Variants in KCNK13 observed in about 807,000 individuals in gnomAD.
KCNK13 encodes potassium two pore domain channel subfamily K member 13.
Under a neutral mutation model 23.4 loss-of-function variants are expected in KCNK13, and 12 were observed. The observed-to-expected ratio is 0.51, with a 90% CI of 0.33 to 0.83. KCNK13 has a LOEUF of 0.83. Ranked by LOEUF, KCNK13 falls within the 40% of genes least tolerant of loss-of-function variation. The probability of loss-of-function intolerance (pLI) is 0.02; values close to 1 mark genes in which losing one functional copy is unlikely to be tolerated. For missense variants in KCNK13, 463 were observed against 556.3 expected, an observed-to-expected ratio of 0.83 and a Z score of 1.69; for synonymous variants, 231 against 229.5, an observed-to-expected ratio of 1.01 and a Z score of -0.06.
intron 1 of KCNK13, among the ~76,000 whole-genome samples, chr14:90,159,019 A>G (rs1189700966): frequency 6.6e-6 from 1 of 152,204 alleles, no homozygotes; most frequent in Non-Finnish European, 1.5e-5. Context: ...GGAAGTTTAT[A>G]ATGAACAGAA....
rs182247045 is a variant in KCNK13, at chr14:90,161,738, A to G, written c.335-22373A>G. 1.6e-4 allele frequency among the ~76,000 whole-genome samples: 24 copies of G among 152,328 alleles called. 1 individual carries two copies. In the East Asian group the frequency reaches 4.6e-3, roughly 29 times the overall value. On this transcript the variant is annotated intron_variant, in intron 1 of 1. Coordinates refer to ENST00000282146, the MANE Select transcript of KCNK13 (RefSeq NM_022054.4). ...GTAAGGCAACCCTAATCACAATCCA[A>G]ATATCTTTTCTGGAACTTAACCAAA...
chr14:90,099,747 A>G (rs575898182), intron 1 of KCNK13, among the ~76,000 whole-genome samples: 2 of 152,290 alleles, frequency 1.3e-5, no homozygotes, highest in East Asian at 3.9e-4. Flanking sequence ...ACAGACAGAC[A>G]ATAGGTGGGT....
chr14:90,159,700 T>A (rs564733785), intron 1 of KCNK13, among the ~76,000 whole-genome samples: 3 of 152,232 alleles, frequency 2.0e-5, no homozygotes, highest in Non-Finnish European at 4.4e-5. Context: ...GGTTATTTAG[T>A]TCTCACAAAA....
intron 1 of KCNK13, among the ~76,000 whole-genome samples, chr14:90,103,950 C>G (rs2140408088): frequency 6.6e-6 from 1 of 152,262 alleles, no homozygotes; most frequent in East Asian, 1.9e-4. Context: ...AGACTTTGCC[C>G]TTTCAGCTTC....
At chr14:90,117,080 G>A (rs1889685542) in intron 1 of KCNK13, among the ~76,000 whole-genome samples, 1 of 152,106 alleles carries the variant, frequency 6.6e-6, no homozygotes. Context: ...ACAATAGCCA[G>A]CATCACTACT....
At chr14:90,065,185 C>T (rs926157633) in intron 1 of KCNK13, among the ~76,000 whole-genome samples, 1 of 152,130 alleles carries the variant, frequency 6.6e-6, no homozygotes, top group African/African-American at 2.4e-5. Context: ...TCATATCTTG[C>T]ATTTTTATTG....
Position 90,087,138 on chromosome 14 carries a change from A to G in KCNK13, c.334+24599A>G, listed in dbSNP as rs573153501. 1.2e-4 allele frequency among the ~76,000 whole-genome samples: 13 copies of G among 111,528 alleles called. No homozygotes were observed. In the East Asian group the frequency reaches 1.3e-3, roughly 11 times the overall value. The allele number at this position is 111,528 out of a possible 152,430, so 73.2% of individuals were successfully genotyped here. On this transcript the variant is annotated intron_variant, in intron 1 of 1. Coordinates refer to ENST00000282146, the MANE Select transcript of KCNK13 (RefSeq NM_022054.4). ...TATACATATATATATACATATATAT[A>G]TATATATATATATATATTTTTTTTT...
intron 1 of KCNK13, among the ~76,000 whole-genome samples, chr14:90,106,544 C>T (rs1242301649): frequency 1.3e-5 from 2 of 151,776 alleles, no homozygotes; most frequent in Non-Finnish European, 2.9e-5. Context: ...CACTGCATTC[C>T]ACCCTGGGTG....
At chr14:90,101,796 A>AAAAAAAAAAAAAAAAC (rs1889482395) in intron 1 of KCNK13, among the ~76,000 whole-genome samples, 2 of 112,818 alleles carry the variant, frequency 1.8e-5, no homozygotes, top group African/African-American at 3.5e-5. Flanking sequence ...TCTCCAAAAA[A>AAAAAAAAAAAAAAAAC]AAAAAAAAAA....
intron 1 of KCNK13, among the ~76,000 whole-genome samples, chr14:90,093,582 G>T (rs1215999938): frequency 6.6e-6 from 1 of 152,156 alleles, no homozygotes; most frequent in Non-Finnish European, 1.5e-5. Context: ...AGCGTGCCCA[G>T]CCTAAATTAG....
intron 1 of KCNK13, among the ~76,000 whole-genome samples, chr14:90,168,897 C>T (rs1416951188): frequency 2.6e-5 from 4 of 152,180 alleles, no homozygotes; most frequent in African/African-American, 9.7e-5. Flanking sequence ...ACTGTTCTCA[C>T]AGTAGTGAGT....
At chr14:90,137,496 T>C (rs1025240749) in intron 1 of KCNK13, among the ~76,000 whole-genome samples, 1 of 151,996 alleles carries the variant, frequency 6.6e-6, no homozygotes, top group South Asian at 2.1e-4. Context: ...AATTTTTGTA[T>C]TTTTCATAGA....
rs1356333517 is a variant in KCNK13, at chr14:90,167,853, G to A, written c.335-16258G>A. Among the ~76,000 whole-genome samples the A allele has an allele frequency of 3.3e-5, 5 of 152,322 alleles. No homozygotes were observed. The East Asian group carries it at 9.7e-4, about 29-fold the overall frequency. On this transcript the variant is annotated intron_variant, in intron 1 of 1. Coordinates refer to ENST00000282146, the MANE Select transcript of KCNK13 (RefSeq NM_022054.4). ...CTGCCTGGCTCACATGACAGGAGGT[G>A]TATTGGCTGGGAAGAAACACTTTCC... is the stretch of plus-strand genomic sequence containing the variant.
intron 1 of KCNK13, among the ~76,000 whole-genome samples, chr14:90,122,182 A>C (rs1889747029): frequency 6.6e-6 from 1 of 152,014 alleles, no homozygotes; most frequent in Non-Finnish European, 1.5e-5. Context: ...TATTTTTTTC[A>C]GTTATATATA....
intron 1 of KCNK13, among the ~76,000 whole-genome samples, chr14:90,124,996 A>G (rs1478057097): frequency 6.6e-6 from 1 of 152,204 alleles, no homozygotes; most frequent in African/African-American, 2.4e-5. Context: ...GTTAGGTGCT[A>G]TGTGAGACCC....
Position 90,184,365 on chromosome 14 carries a change from G to A in KCNK13, c.589G>A (p.Val197Ile), listed in dbSNP as rs536825700. The change falls in exon 2 of 2, where the codon GTC becomes ATC. Residue 197 changes from valine (V) to isoleucine (I), a missense_variant. This residue lies in a region of KCNK13 where 144 missense variants were observed against 224.0 expected (regional missense o/e 0.64). Coordinates refer to ENST00000282146, the MANE Select transcript of KCNK13 (RefSeq NM_022054.4). This position sits in a 1 kb window ranked among gnomAD's most constrained non-coding sequence, Gnocchi z 5.6. ...CGGCTGGAAGCCCTCCGTGTACTAC[G>A]TCATGCTGATCCTATGCACAGCCTC... ...LAGWKPSVYY[V>I]MLILCTASIL... The A allele has an allele frequency of 1.4e-5, 23 of 1,614,232 alleles. No individual in the cohort carries two copies. Among genetic ancestry groups the A allele is most frequent in the African/African-American group, 4.0e-5 (3 of 75,074 alleles).
chr14:90,062,210 C>CG lies in KCNK13; in HGVS notation c.5_6insG (p.Gly3TrpfsTer181). Reference sequence around the variant, plus strand: ...GCTGCCCCCGGGGGCCCGGCCATGGCTGGCCGGGGTTTCAGCTGGGGCCCG... The same window carrying CG: ...GCTGCCCCCGGGGGCCCGGCCATGGCGTGGCCGGGGTTTCAGCTGGGGCCCG... On this transcript the variant is annotated frameshift_variant, in exon 1 of 2. Transcript: ENST00000282146. LOFTEE classifies it high-confidence loss of function. The surrounding 1 kb of genome is among the most constrained non-coding windows in gnomAD (Gnocchi z 4.5). 2 of 1,155,464 alleles carry CG rather than the reference C, an allele frequency of 1.7e-6. No individual in the cohort carries two copies. Among genetic ancestry groups the CG allele is most frequent in the Non-Finnish European group, 2.3e-6 (2 of 878,350 alleles). The allele number at this position is 1,155,464 out of a possible 1,614,324, so 71.6% of individuals were successfully genotyped here.
intron 1 of KCNK13, among the ~76,000 whole-genome samples, chr14:90,073,460 A>G (rs763028169): frequency 2.0e-5 from 3 of 152,102 alleles, no homozygotes; most frequent in Non-Finnish European, 2.9e-5. Flanking sequence ...GACTTTGCCT[A>G]TTAACTCTTG....
intron 1 of KCNK13, among the ~76,000 whole-genome samples, chr14:90,166,636 G>C (rs934408884): frequency 6.6e-6 from 1 of 151,772 alleles, no homozygotes; most frequent in South Asian, 2.1e-4. Flanking sequence ...AACCTGGGAG[G>C]TGGAGGTTCC....
Sources: gnomAD v4.1 joint callset for allele counts (sites outside exome capture counted in the v4.1 genomes callset) on GRCh38, gnomAD v4.1.1 for gene constraint, gnomAD v4.1.1 regional missense constraint, Gnocchi (gnomAD v3.1) non-coding constraint, MANE v1.5 for transcripts, NCBI Gene and HGNC (gene_info 2026-07-23, HGNC 2026-07-21) for gene names.